The following PRKCA variants were observed in gnomAD, a reference collection of about 807,000 sequenced individuals.
PRKCA encodes protein kinase C alpha type.
A neutral mutation model predicts 87.0 loss-of-function variants in PRKCA; 27 were observed. The observed-to-expected ratio is 0.31, with a 90% CI of 0.23 to 0.43. The LOEUF is 0.43. Ranked by LOEUF, PRKCA falls within the 20% of genes least tolerant of loss-of-function variation. PRKCA has a pLI of 1.00. For synonymous variants in PRKCA, 329 were observed against 311.1 expected, an observed-to-expected ratio of 1.06 and a Z score of -0.61; for missense variants, 518 against 852.3, an observed-to-expected ratio of 0.61 and a Z score of 4.88.
chr17:66,755,249 G>A (rs1214147148), intron 13 of PRKCA, among the ~76,000 whole-genome samples: 5 of 152,186 alleles, frequency 3.3e-5, no homozygotes, highest in Non-Finnish European at 5.9e-5. Context: ...CGCCCCCCCA[G>A]TGCACATTCC....
intron 2 of PRKCA, among the ~76,000 whole-genome samples, chr17:66,454,221 A>G (rs1914474194): frequency 6.6e-6 from 1 of 152,200 alleles, no homozygotes; most frequent in Non-Finnish European, 1.5e-5. Flanking sequence ...GTAGGTGCTA[A>G]GGCCCTGTGG....
At position 66,409,166 on chromosome 17, in the gene PRKCA, C is replaced by T. The variant is rs549787789; in HGVS notation, c.206-87035C>T. On this transcript the variant is annotated intron_variant, in intron 2 of 16. Coordinates refer to ENST00000413366, the MANE Select transcript of PRKCA (RefSeq NM_002737.3). ...TGAGGGAGTTTAGGAAGCACTGTGA[C>T]GTCCACTCATGAAAGACAGAATATA... Among the ~76,000 whole-genome samples, 5 of 151,814 alleles carry T rather than the reference C, an allele frequency of 3.3e-5. No homozygotes were observed. In the South Asian group the frequency reaches 6.2e-4, roughly 19 times the overall value.
intron 2 of PRKCA, among the ~76,000 whole-genome samples, chr17:66,409,515 T>C (rs749591553): frequency 1.8e-4 from 27 of 152,238 alleles, no homozygotes; most frequent in Non-Finnish European, 3.7e-4. Context: ...GCTGTCACTC[T>C]CTCAGATGGA....
chr17:66,782,728 G>C (rs1975270924), intron 14 of PRKCA, among the ~76,000 whole-genome samples: 1 of 152,196 alleles, frequency 6.6e-6, no homozygotes, highest in Admixed American at 6.5e-5. Context: ...CCTCATTAGA[G>C]TCTTCTTTAC....
At chr17:66,600,945 G>A (rs1277965624) in intron 3 of PRKCA, among the ~76,000 whole-genome samples, 1 of 82,670 alleles carries the variant, frequency 1.2e-5, no homozygotes, top group African/African-American at 5.8e-5. Context: ...GGTTTCTGCC[G>A]AGAGATCCAC....
intron 2 of PRKCA, among the ~76,000 whole-genome samples, chr17:66,354,339 C>G (rs1476499782): frequency 3.9e-5 from 6 of 152,192 alleles, no homozygotes; most frequent in Non-Finnish European, 8.8e-5. Context: ...CTGCTCCATG[C>G]AGGCAGGCTC....
intron 3 of PRKCA, among the ~76,000 whole-genome samples, chr17:66,618,784 C>A (rs577767539): frequency 6.6e-6 from 1 of 152,282 alleles, no homozygotes; most frequent in East Asian, 1.9e-4. Context: ...GGAACATAGA[C>A]CTTTGCTGAG....
intron 2 of PRKCA, among the ~76,000 whole-genome samples, chr17:66,316,053 T>A (rs1905299683): frequency 6.6e-6 from 1 of 152,174 alleles, no homozygotes; most frequent in Non-Finnish European, 1.5e-5. Flanking sequence ...GTTTTGGGCT[T>A]TGTAGGTTGC....
chr17:66,448,446 G>A (rs968296761), intron 2 of PRKCA, among the ~76,000 whole-genome samples: 1 of 152,136 alleles, frequency 6.6e-6, no homozygotes, highest in African/African-American at 2.4e-5. Flanking sequence ...TATTAGGCTC[G>A]ATGCCATTAA....
chr17:66,757,892 T>A (rs930988835), intron 13 of PRKCA, among the ~76,000 whole-genome samples: 4 of 152,074 alleles, frequency 2.6e-5, no homozygotes, highest in African/African-American at 9.7e-5. Flanking sequence ...GCCTGGCTAA[T>A]GTTTTTGTAT....
intron 3 of PRKCA, among the ~76,000 whole-genome samples, chr17:66,509,315 G>A (rs1917121075): frequency 1.3e-5 from 2 of 152,062 alleles, no homozygotes; most frequent in South Asian, 4.2e-4. Context: ...GAGCCAATGG[G>A]ATAGCACCAG....
intron 13 of PRKCA, among the ~76,000 whole-genome samples, chr17:66,756,397 C>T (rs1974548760): frequency 6.6e-6 from 1 of 152,088 alleles, no homozygotes; most frequent in South Asian, 2.1e-4. Context: ...TCCACAGGCA[C>T]AGGCTCCCCA....
At chr17:66,557,870 A>C (rs933764900) in intron 3 of PRKCA, among the ~76,000 whole-genome samples, 1 of 152,152 alleles carries the variant, frequency 6.6e-6, no homozygotes, top group African/African-American at 2.4e-5. Context: ...TCATATACAG[A>C]ATAGGTGCCT....
chr17:66,409,268 TG>T (rs1480070673), intron 2 of PRKCA, among the ~76,000 whole-genome samples: 1 of 152,066 alleles, frequency 6.6e-6, no homozygotes, highest in Non-Finnish European at 1.5e-5. Flanking sequence ...CAGGTTCACT[TG>T]TTGAAAGTCT....
chr17:66,483,893 G>A (rs1476589785), intron 2 of PRKCA, among the ~76,000 whole-genome samples: 2 of 152,076 alleles, frequency 1.3e-5, no homozygotes, highest in Non-Finnish European at 2.9e-5. Flanking sequence ...TGAGGTACTA[G>A]AAGCTAGAAC....
chr17:66,310,735 C>T (rs1216185347), intron 2 of PRKCA, among the ~76,000 whole-genome samples: 1 of 152,160 alleles, frequency 6.6e-6, no homozygotes, highest in African/African-American at 2.4e-5. Flanking sequence ...AACAAGACTA[C>T]TTAAGGAAGG....
At chr17:66,579,102 A>G (rs898517819) in intron 3 of PRKCA, among the ~76,000 whole-genome samples, 2 of 152,240 alleles carry the variant, frequency 1.3e-5, no homozygotes, top group Non-Finnish European at 2.9e-5. Flanking sequence ...GTCAGTACAC[A>G]GTCAGCCCCT....
chr17:66,691,947 T>C (rs1972796095), intron 8 of PRKCA, among the ~76,000 whole-genome samples: 1 of 152,252 alleles, frequency 6.6e-6, no homozygotes, highest in Non-Finnish European at 1.5e-5. Context: ...TGAGTTCAGC[T>C]TTTTATAAAG....
intron 2 of PRKCA, among the ~76,000 whole-genome samples, chr17:66,462,197 A>C (rs1191762287): frequency 6.6e-6 from 1 of 152,178 alleles, no homozygotes; most frequent in African/African-American, 2.4e-5. Context: ...AGATCAGTGC[A>C]CAAGGCCAAA....
Sources: gnomAD v4.1 joint callset for allele counts (sites outside exome capture counted in the v4.1 genomes callset) on GRCh38, gnomAD v4.1.1 for gene constraint, MANE v1.5 for transcripts, NCBI Gene and HGNC (gene_info 2026-07-23, HGNC 2026-07-21) for gene names.